Variants in NOVA1 observed in about 807,000 individuals in gnomAD.
NOVA1 encodes NOVA alternative splicing regulator 1.
In NOVA1, 7 loss-of-function variants were observed where a neutral mutation model predicts 38.0. That is an observed-to-expected ratio of 0.18 (90% CI 0.10 to 0.35). The LOEUF (loss-of-function observed/expected upper bound fraction) is 0.35, where lower values mean the gene tolerates loss of function less well. Ranked by LOEUF, NOVA1 falls within the 10% of genes least tolerant of loss-of-function variation. The pLI is 1.00. For synonymous variants in NOVA1, 270 were observed against 232.5 expected (o/e 1.16, Z -1.47); for missense variants, 460 against 616.0 (o/e 0.75, Z 2.68).
chr14:26,579,358 G>A (rs936469628), intron 2 of NOVA1, among the ~76,000 whole-genome samples: 5 of 152,108 alleles, frequency 3.3e-5, no homozygotes, highest in African/African-American at 4.8e-5. Context: ...CCCAGCCATC[G>A]TATTCTTATA....
chr14:26,549,652 G>C, intron 2 of NOVA1: 1 of 1,047,730 alleles, frequency 9.5e-7, no homozygotes, highest in Non-Finnish European at 1.3e-6. Context: ...GGGCTTTCCA[G>C]TCTAGGGCAG....
In NOVA1 at chr14:26,448,235, G is replaced by C. The variant is rs746469471; in HGVS notation, c.1248C>G (p.Ser416=). 1 of 1,614,196 alleles carries C rather than the reference G, an allele frequency of 6.2e-7. No individual in the cohort carries two copies. Among genetic ancestry groups the C allele is most frequent in the Admixed American group, 1.7e-5 (1 of 60,022 alleles). Residue 416 remains serine, a synonymous_variant, in exon 5 of 5, where the codon TCC becomes TCG. Transcript: ENST00000539517. The surrounding 1 kb of genome is among the most constrained non-coding windows in gnomAD (Gnocchi z 5.3). The part of the protein sequence containing the change: ...AASAILGTEK[S]TDGSKDVVEI... ...CAACTACATCCTTGGATCCATCTGT[G>C]GACTTTTCTGTTCCTAGAATGGCAC... is the stretch of plus-strand genomic sequence containing the variant.
chr14:26,518,723 G>C (rs1020592806), intron 2 of NOVA1, among the ~76,000 whole-genome samples: 1 of 151,938 alleles, frequency 6.6e-6, no homozygotes, highest in Non-Finnish European at 1.5e-5. Context: ...ACCCTATTCT[G>C]CAATAGAACA....
intron 2 of NOVA1, among the ~76,000 whole-genome samples, chr14:26,535,724 G>A (rs765939656): frequency 8.5e-5 from 13 of 152,100 alleles, no homozygotes; most frequent in Non-Finnish European, 5.9e-5. Flanking sequence ...TTGGGAGGGC[G>A]AGATGGGCAG....
At chr14:26,580,461 A>G (rs1594574901) in intron 2 of NOVA1, among the ~76,000 whole-genome samples, 2 of 152,176 alleles carry the variant, frequency 1.3e-5, no homozygotes, top group East Asian at 3.9e-4. Flanking sequence ...TCTCCACTAT[A>G]TAGGCAAAAA....
intron 2 of NOVA1, among the ~76,000 whole-genome samples, chr14:26,566,376 T>A (rs2138701787): frequency 6.6e-6 from 1 of 152,254 alleles, no homozygotes; most frequent in East Asian, 1.9e-4. Flanking sequence ...TATACTAGTT[T>A]GGCTCCAATG....
chr14:26,543,368 C>T (rs924797941), intron 2 of NOVA1, among the ~76,000 whole-genome samples: 1 of 151,648 alleles, frequency 6.6e-6, no homozygotes, highest in African/African-American at 2.4e-5. Context: ...ATATAATGTC[C>T]CAAACACATA....
chr14:26,487,565 T>A (rs1394388534), intron 2 of NOVA1, among the ~76,000 whole-genome samples: 6 of 152,114 alleles, frequency 3.9e-5, no homozygotes, highest in Non-Finnish European at 1.5e-5. Flanking sequence ...TGCAAAGACA[T>A]ATAGCAAACA....
In NOVA1 at chr14:26,561,002, G is replaced by A. The variant is rs573900274; in HGVS notation, c.280+34408C>T. On this transcript the variant is annotated intron_variant, in intron 2 of 4. Coordinates refer to ENST00000539517, the MANE Select transcript of NOVA1 (RefSeq NM_002515.3). ...TGGTACAGGGTGGGGGGATGGTTTT[G>A]GGATGAAACTGTTCTACCTCAGAAC... 1.4e-4 allele frequency among the ~76,000 whole-genome samples: 22 copies of A among 152,214 alleles called. No homozygotes were observed. The South Asian group carries it at 4.3e-3, about 30-fold the overall frequency.
intron 4 of NOVA1, among the ~76,000 whole-genome samples, chr14:26,461,117 G>A (rs1442663372): frequency 6.6e-6 from 1 of 152,132 alleles, no homozygotes; most frequent in Non-Finnish European, 1.5e-5. Context: ...TGCCTACCAA[G>A]TGGTCCAGAG....
At chr14:26,572,762 GTGTA>G (rs1160410407) in intron 2 of NOVA1, among the ~76,000 whole-genome samples, 2 of 149,326 alleles carry the variant, frequency 1.3e-5, no homozygotes, top group African/African-American at 2.5e-5. Context: ...GTGTGTGTGT[GTGTA>G]TGTGTGTCTG....
chr14:26,535,710 C>A (rs929934888), intron 2 of NOVA1, among the ~76,000 whole-genome samples: 1 of 152,130 alleles, frequency 6.6e-6, no homozygotes, highest in Non-Finnish European at 1.5e-5. Flanking sequence ...GTAATCCCAG[C>A]ACTTTGGGAG....
chr14:26,453,200 GTATGTATGTATT>G (rs1490592915), intron 4 of NOVA1, among the ~76,000 whole-genome samples: 2 of 68,326 alleles, frequency 2.9e-5, no homozygotes, highest in African/African-American at 1.2e-4. Context: ...ATGTATGTAT[GTATGTATGTATT>G]TATTTATTTT....
chr14:26,591,153 T>C (rs1893819458), intron 2 of NOVA1, among the ~76,000 whole-genome samples: 2 of 151,628 alleles, frequency 1.3e-5, no homozygotes, highest in Non-Finnish European at 1.5e-5. Context: ...GAAAATAAAG[T>C]ATTAAAAAAA....
intron 2 of NOVA1, chr14:26,549,723 C>T (rs1290880932): frequency 7.8e-7 from 1 of 1,288,518 alleles, no homozygotes; most frequent in African/African-American, 1.5e-5. Context: ...GCAGATGGCA[C>T]AGTGGAGAAA....
At chr14:26,558,356 C>T (rs932347478) in intron 2 of NOVA1, among the ~76,000 whole-genome samples, 1 of 152,030 alleles carries the variant, frequency 6.6e-6, no homozygotes, top group African/African-American at 2.4e-5. Context: ...GATGGCTAAA[C>T]AAAGTAGTTA....
chr14:26,576,396 G>A (rs1463178802), intron 2 of NOVA1, among the ~76,000 whole-genome samples: 3 of 150,876 alleles, frequency 2.0e-5, no homozygotes, highest in African/African-American at 7.3e-5. Context: ...AATTTTTACG[G>A]ATACTAAAAT....
At chr14:26,515,443 AGTC>A (rs1888393620) in intron 2 of NOVA1, among the ~76,000 whole-genome samples, 1 of 152,014 alleles carries the variant, frequency 6.6e-6, no homozygotes, top group Admixed American at 6.5e-5. Context: ...ATTCACTAGT[AGTC>A]GTCAATTGTC....
intron 2 of NOVA1, among the ~76,000 whole-genome samples, chr14:26,547,563 T>C (rs1890865715): frequency 2.6e-5 from 4 of 152,050 alleles, no homozygotes; most frequent in Admixed American, 2.6e-4. Context: ...ATATAAAAAA[T>C]AACTTGTATA....
Sources: gnomAD v4.1 joint callset for allele counts (sites outside exome capture counted in the v4.1 genomes callset) on GRCh38, gnomAD v4.1.1 for gene constraint, Gnocchi (gnomAD v3.1) non-coding constraint, MANE v1.5 for transcripts, NCBI Gene and HGNC (gene_info 2026-07-23, HGNC 2026-07-21) for gene names.